Variants in METTL15 observed in about 807,000 individuals in gnomAD.
The protein encoded by METTL15 is methyltransferase 15, mitochondrial 12S rRNA N4-cytidine.
A neutral mutation model predicts 38.3 loss-of-function variants in METTL15; 34 were observed. The ratio of observed to expected loss-of-function variants is 0.89; its 90% CI spans 0.68 to 1.18. METTL15 has a LOEUF of 1.18. Ranked by LOEUF, METTL15 falls within the 50% of genes most tolerant of loss-of-function variation. The probability of loss-of-function intolerance (pLI) is 0.00; values close to 1 mark genes in which losing one functional copy is unlikely to be tolerated. For missense variants in METTL15, 438 were observed against 498.4 expected (o/e 0.88, Z 1.15); for synonymous variants, 162 against 170.9 (o/e 0.95, Z 0.41).
intron 6 of METTL15, among the ~76,000 whole-genome samples, chr11:28,321,352 T>C (rs1042468706): frequency 6.6e-6 from 1 of 152,178 alleles, no homozygotes; most frequent in Non-Finnish European, 1.5e-5. Flanking sequence ...AAAATTGAAC[T>C]TAGAGCCCTT....
At chr11:28,144,467 G>C (rs978121528) in intron 3 of METTL15, among the ~76,000 whole-genome samples, 1 of 152,038 alleles carries the variant, frequency 6.6e-6, no homozygotes, top group Non-Finnish European at 1.5e-5. Flanking sequence ...AATATTAAAA[G>C]TAATGCAACT....
chr11:28,206,460 G>C (rs1018722567), intron 3 of METTL15, among the ~76,000 whole-genome samples: 1 of 152,010 alleles, frequency 6.6e-6, no homozygotes, highest in Admixed American at 6.6e-5. Context: ...CTGTTCCATT[G>C]GTCTATATCT....
chr11:28,263,228 C>A (rs961733479), intron 4 of METTL15, among the ~76,000 whole-genome samples: 11 of 151,990 alleles, frequency 7.2e-5, no homozygotes, highest in Non-Finnish European at 1.0e-4. Context: ...GTCATTGATT[C>A]ATTTTACATA....
intron 5 of METTL15, among the ~76,000 whole-genome samples, chr11:28,400,954 G>A (rs181432368): frequency 1.1e-4 from 16 of 152,040 alleles, no homozygotes; most frequent in Non-Finnish European, 1.5e-4. Flanking sequence ...AGAACATTAA[G>A]TCTATGTGGT....
At chr11:28,276,113 A>T (rs1405466485) in intron 4 of METTL15, among the ~76,000 whole-genome samples, 1 of 152,130 alleles carries the variant, frequency 6.6e-6, no homozygotes, top group Non-Finnish European at 1.5e-5. Context: ...CAGGCAAGAG[A>T]AAGAAATAAG....
rs755865552 is a variant in METTL15, at chr11:28,442,347, A to G, written c.*424+17983A>G. Among the ~76,000 whole-genome samples the G allele has an allele frequency of 5.9e-5, 9 of 152,300 alleles. No homozygotes were observed. The South Asian group carries it at 1.0e-3, about 18-fold the overall frequency. On this transcript the variant is annotated intron_variant and NMD_transcript_variant, in intron 6 of 7. Transcript: ENST00000532947. Reference sequence around the variant, plus strand: ...GTGATGGAGATAAATGGAATTGCCTATGACCTCAAATTGAATTATTTCTGA... The same window carrying G: ...GTGATGGAGATAAATGGAATTGCCTGTGACCTCAAATTGAATTATTTCTGA...
downstream of METTL15, chr11:28,333,639 TTTTTA>T (rs1849872124): frequency 6.6e-6 from 1 of 152,010 alleles, no homozygotes; most frequent in Admixed American, 6.6e-5. Context: ...AATATCCCTA[TTTTTA>T]TTTTATTTTT....
intron 5 of METTL15, 99 bp from the exon 6 acceptor site, chr11:28,296,654 A>ATG (rs1856746153): frequency 1.7e-5 from 21 of 1,228,344 alleles, no homozygotes; most frequent in Non-Finnish European, 2.5e-5. Context: ...CTCCTAGAGT[A>ATG]TGTGTGTGTG....
intron 5 of METTL15, among the ~76,000 whole-genome samples, chr11:28,381,658 T>A (rs1266503400): frequency 1.3e-5 from 2 of 152,178 alleles, no homozygotes; most frequent in Non-Finnish European, 2.9e-5. Flanking sequence ...CTCTAATGAA[T>A]GTTTAAGTTC....
intron 4 of METTL15, among the ~76,000 whole-genome samples, chr11:28,255,386 T>C (rs549045137): frequency 4.8e-4 from 73 of 152,314 alleles, no homozygotes; most frequent in African/African-American, 1.6e-3. Context: ...TAAGATCATA[T>C]CATCTGCAAA....
intron 5 of METTL15, among the ~76,000 whole-genome samples, chr11:28,379,563 C>T (rs1850359078): frequency 6.6e-6 from 1 of 152,084 alleles, no homozygotes; most frequent in South Asian, 2.1e-4. Context: ...CCATTGTTAT[C>T]AGAAAAGATA....
At chr11:28,455,216 C>CT (rs34686157) in intron 6 of METTL15, among the ~76,000 whole-genome samples, 987 of 85,784 alleles carry the variant, frequency 0.012, 31 homozygotes, top group African/African-American at 0.02. Context: ...GATCAGCTAG[C>CT]TTTTTTTTTT....
At chr11:28,230,010 GA>G (rs1424176024) in intron 4 of METTL15, among the ~76,000 whole-genome samples, 2 of 151,706 alleles carry the variant, frequency 1.3e-5, no homozygotes, top group Non-Finnish European at 2.9e-5. Context: ...TGGCTTTCTG[GA>G]AGCTACTTTT....
At chr11:28,425,395 T>C (rs1850855011) in intron 6 of METTL15, among the ~76,000 whole-genome samples, 1 of 152,240 alleles carries the variant, frequency 6.6e-6, no homozygotes, top group Non-Finnish European at 1.5e-5. Context: ...ATCAGGCCTC[T>C]GTCCACTTCT....
chr11:28,379,596 A>G (rs1046623127), intron 5 of METTL15, among the ~76,000 whole-genome samples: 10 of 152,138 alleles, frequency 6.6e-5, no homozygotes, highest in African/African-American at 2.4e-4. Context: ...ACTACTTTTT[A>G]TAACTTCTTT....
chr11:28,270,877 G>A (rs1177878469), intron 4 of METTL15, among the ~76,000 whole-genome samples: 1 of 152,130 alleles, frequency 6.6e-6, no homozygotes, highest in African/African-American at 2.4e-5. Context: ...TACTAGCTGT[G>A]TAACCTTCAA....
chr11:28,468,503 G>C (rs943268691), intron 6 of METTL15, among the ~76,000 whole-genome samples: 10 of 152,166 alleles, frequency 6.6e-5, no homozygotes, highest in African/African-American at 2.2e-4. Flanking sequence ...TTTTAGTCTA[G>C]TGCATGTCTT....
At chr11:28,291,993 A>G (rs1009859020) in intron 5 of METTL15, among the ~76,000 whole-genome samples, 3 of 152,126 alleles carry the variant, frequency 2.0e-5, no homozygotes, top group African/African-American at 7.2e-5. Flanking sequence ...GCTTTCAGGT[A>G]GATGGTATAG....
chr11:28,366,644 T>C (rs1850189113), intron 5 of METTL15, among the ~76,000 whole-genome samples: 1 of 152,034 alleles, frequency 6.6e-6, no homozygotes, highest in African/African-American at 2.4e-5. Flanking sequence ...CTAAAAAACA[T>C]GGATGTAAAA....
Sources: gnomAD v4.1 joint callset for allele counts (sites outside exome capture counted in the v4.1 genomes callset) on GRCh38, gnomAD v4.1.1 for gene constraint, MANE v1.5 for transcripts, NCBI Gene and HGNC (gene_info 2026-07-23, HGNC 2026-07-21) for gene names.